Variants in CDC42BPA observed in about 807,000 individuals in gnomAD.
The protein encoded by CDC42BPA is CDC42 binding protein kinase alpha.
In CDC42BPA, 80 loss-of-function variants were observed where a neutral mutation model predicts 223.5. The observed-to-expected ratio is 0.36, with a 90% CI of 0.30 to 0.43. CDC42BPA has a LOEUF of 0.43. Ranked by LOEUF, CDC42BPA falls within the 20% of genes least tolerant of loss-of-function variation. The probability of loss-of-function intolerance (pLI) is 1.00; values close to 1 mark genes in which losing one functional copy is unlikely to be tolerated. For synonymous variants in CDC42BPA, 694 were observed against 718.6 expected (o/e 0.97, Z 0.55); for missense variants, 1,743 against 2,099.9 (o/e 0.83, Z 3.32).
intron 1 of CDC42BPA, among the ~76,000 whole-genome samples, chr1:227,282,056 A>T (rs1688094803): frequency 6.6e-6 from 1 of 151,858 alleles, no homozygotes; most frequent in African/African-American, 2.4e-5. Context: ...GGGCGTGGTG[A>T]CACATGCCTG....
intron 21 of CDC42BPA, among the ~76,000 whole-genome samples, chr1:227,065,022 G>A (rs928549391): frequency 2.6e-5 from 4 of 151,988 alleles, no homozygotes; most frequent in South Asian, 2.1e-4. Flanking sequence ...GCGTGAACCC[G>A]GGAGGCGGAG....
At chr1:227,087,676 A>G (rs1260689386) in intron 16 of CDC42BPA, among the ~76,000 whole-genome samples, 1 of 152,120 alleles carries the variant, frequency 6.6e-6, no homozygotes, top group Non-Finnish European at 1.5e-5. Flanking sequence ...TTATCTCTCC[A>G]TTTGTTCAGA....
intron 1 of CDC42BPA, among the ~76,000 whole-genome samples, chr1:227,262,635 G>A (rs1033275537): frequency 9.9e-5 from 15 of 152,118 alleles, no homozygotes; most frequent in African/African-American, 3.4e-4. Context: ...GACAATCACA[G>A]AAAATATCAC....
At chr1:227,202,760 C>CA (rs35609906) in intron 3 of CDC42BPA, among the ~76,000 whole-genome samples, 43,499 of 114,196 alleles carry the variant, frequency 0.38, 8,287 homozygotes, top group East Asian at 0.46. Flanking sequence ...TCTCTACAGG[C>CA]AAAAAAAAAA....
intron 8 of CDC42BPA, among the ~76,000 whole-genome samples, chr1:227,144,072 T>G (rs1660211093): frequency 6.6e-6 from 1 of 152,334 alleles, no homozygotes; most frequent in South Asian, 2.1e-4. Flanking sequence ...TTTACAATTA[T>G]CAGTTATCAA....
At chr1:227,045,485 C>G (rs1672255867) in intron 23 of CDC42BPA, among the ~76,000 whole-genome samples, 1 of 152,184 alleles carries the variant, frequency 6.6e-6, no homozygotes, top group Non-Finnish European at 1.5e-5. Context: ...ACTGATGGAA[C>G]TGTGCAATCT....
chr1:227,082,038 T>C (rs188896259), intron 16 of CDC42BPA, among the ~76,000 whole-genome samples: 2 of 151,696 alleles, frequency 1.3e-5, no homozygotes, highest in Admixed American at 1.3e-4. Context: ...TGGATATATG[T>C]TTTTTTTGAG....
chr1:227,050,077 A>T (rs1267850188), intron 22 of CDC42BPA, among the ~76,000 whole-genome samples: 1 of 152,174 alleles, frequency 6.6e-6, no homozygotes, highest in African/African-American at 2.4e-5. Flanking sequence ...AAAATAAGCC[A>T]CAGACTGGGA....
intron 2 of CDC42BPA, among the ~76,000 whole-genome samples, chr1:227,227,961 T>C (rs1677130225): frequency 6.6e-6 from 1 of 152,218 alleles, no homozygotes; most frequent in South Asian, 2.1e-4. Context: ...AGGTTGTTCA[T>C]ATCCTTTATC....
At chr1:227,220,286 A>T (rs56293190) in intron 2 of CDC42BPA, among the ~76,000 whole-genome samples, 2 of 83,884 alleles carry the variant, frequency 2.4e-5, no homozygotes, top group African/African-American at 5.1e-5. Context: ...GTCATGTTAT[A>T]TATATATATA....
intron 8 of CDC42BPA, among the ~76,000 whole-genome samples, chr1:227,143,812 T>G (rs1002387079): frequency 6.6e-6 from 1 of 152,206 alleles, no homozygotes; most frequent in African/African-American, 2.4e-5. Context: ...TAACCCTGTA[T>G]TTCCCTCAGA....
In CDC42BPA at chr1:227,290,226, GC is replaced by G. The variant is rs1689473162; in HGVS notation, c.178+26778del. On this transcript the variant is annotated intron_variant, in intron 1 of 36. Transcript: ENST00000366766. ...TTTGAGCTTCCTTTCCATCTAAAAT[GC>G]CCCCTTTTCTCTGTTTCACAAAACA... Among the ~76,000 whole-genome samples the G allele has an allele frequency of 2.0e-5, 3 of 151,926 alleles. 1 individual carries two copies. The South Asian group carries it at 6.2e-4, about 32-fold the overall frequency.
At position 227,295,105 on chromosome 1, in the gene CDC42BPA, G is replaced by A. The variant is rs74507464; in HGVS notation, c.178+21900C>T. Among the ~76,000 whole-genome samples, 140 of 151,998 alleles carry A rather than the reference G, an allele frequency of 9.2e-4. 4 individuals are homozygous for A. In the East Asian group the frequency reaches 0.025, roughly 27 times the overall value. On this transcript the variant is annotated intron_variant, in intron 1 of 36. Transcript: ENST00000366766. ...TGAGGCTACATTTAAGTTAAAGAAC[G>A]TTTTAGTATTACATACTAAGGAAAA...
At chr1:227,221,224 T>C (rs1280430795) in intron 2 of CDC42BPA, among the ~76,000 whole-genome samples, 2 of 152,188 alleles carry the variant, frequency 1.3e-5, no homozygotes, top group Non-Finnish European at 1.5e-5. Flanking sequence ...CTGTTAAATA[T>C]TGTTCCCCAA....
chr1:227,315,955 CAAA>C (rs71180728), intron 1 of CDC42BPA, among the ~76,000 whole-genome samples: 13 of 110,958 alleles, frequency 1.2e-4, no homozygotes, highest in African/African-American at 2.6e-4. Flanking sequence ...ATTTCAAATC[CAAA>C]AAAAAAAAAA....
chr1:227,181,674 T>G (rs1429535058), intron 5 of CDC42BPA, among the ~76,000 whole-genome samples: 1 of 152,156 alleles, frequency 6.6e-6, no homozygotes, highest in Non-Finnish European at 1.5e-5. Flanking sequence ...TTCCTCCAGT[T>G]CTATGGCACC....
chr1:227,268,605 GTA>G (rs1227560199), intron 1 of CDC42BPA, among the ~76,000 whole-genome samples: 2 of 137,970 alleles, frequency 1.4e-5, no homozygotes, highest in South Asian at 2.4e-4. Flanking sequence ...TATAGTGTGT[GTA>G]TAGTGTGTGT....
chr1:227,128,698 A>G (rs1000565509), intron 11 of CDC42BPA, among the ~76,000 whole-genome samples: 11 of 152,298 alleles, frequency 7.2e-5, no homozygotes, highest in Non-Finnish European at 1.6e-4. Context: ...TGATGCCTGT[A>G]TACATGCACT....
intron 6 of CDC42BPA, among the ~76,000 whole-genome samples, chr1:227,151,483 TG>T (rs1661745776): frequency 6.6e-6 from 1 of 152,194 alleles, no homozygotes; most frequent in South Asian, 2.1e-4. Flanking sequence ...TCACTTCTTT[TG>T]GGTATATACC....
Sources: gnomAD v4.1 joint callset for allele counts (sites outside exome capture counted in the v4.1 genomes callset) on GRCh38, gnomAD v4.1.1 for gene constraint, MANE v1.5 for transcripts, NCBI Gene and HGNC (gene_info 2026-07-23, HGNC 2026-07-21) for gene names.